NOX4: variants seen among roughly 807,000 people sequenced by gnomAD.
NOX4 encodes the protein kidney oxidase-1.
In NOX4, 69 loss-of-function variants were observed where a neutral mutation model predicts 87.6. The observed-to-expected ratio is 0.79, with a 90% CI of 0.65 to 0.96. NOX4 has a LOEUF of 0.96. Among genes scored for constraint, NOX4 ranks in the 40% least tolerant of loss-of-function variants. The pLI is 0.00. For missense variants in NOX4, 680 were observed against 681.5 expected (o/e 1.00, Z 0.02); for synonymous variants, 275 against 238.2 (o/e 1.15, Z -1.42).
chr11:89,588,573 T>C, the NOX4 span, among the ~76,000 whole-genome samples: 1 of 152,182 alleles, frequency 6.6e-6, no homozygotes, highest in South Asian at 2.1e-4. Context: ...GACAGGTCAA[T>C]GTGGGGTGAA....
At chr11:89,512,914 T>C in the NOX4 span, among the ~76,000 whole-genome samples, 6 of 152,058 alleles carry the variant, frequency 3.9e-5, no homozygotes, top group Admixed American at 3.9e-4. Context: ...ACTGTATGAG[T>C]AGCATCTAGC....
rs529303060 is a variant in NOX4, at chr11:89,398,431, G to A, written c.1074+1586C>T. On this transcript the variant is annotated intron_variant, in intron 11 of 17. Transcript: ENST00000263317. ...CAAGACAGTGATGCCCTCTCTCACC[G>A]CTCCTATTCACCATAGTGTTGGAAG... Among the ~76,000 whole-genome samples, 112 of 151,884 alleles carry A rather than the reference G, an allele frequency of 7.4e-4. 1 individual carries two copies. Among genetic ancestry groups the A allele is most frequent in the African/African-American group, 2.6e-3 (108 of 41,490 alleles).
At chr11:89,472,062 A>G (rs1945967714) in intron 2 of NOX4, among the ~76,000 whole-genome samples, 1 of 152,146 alleles carries the variant, frequency 6.6e-6, no homozygotes, top group Non-Finnish European at 1.5e-5. Context: ...AACTGTTTTG[A>G]TAAGGTTATT....
intron 2 of NOX4, among the ~76,000 whole-genome samples, chr11:89,483,862 A>G (rs1339409622): frequency 6.6e-6 from 1 of 152,178 alleles, no homozygotes; most frequent in Non-Finnish European, 1.5e-5. Flanking sequence ...GGTACACAAT[A>G]AATACAATTG....
chr11:89,349,334 G>C (rs74238696), intron 13 of NOX4, among the ~76,000 whole-genome samples: 1 of 150,640 alleles, frequency 6.6e-6, no homozygotes, highest in Non-Finnish European at 1.5e-5. Flanking sequence ...AAATAACTTG[G>C]CTCAGGATCA....
At chr11:89,344,756 A>G (rs1946143499) in intron 13 of NOX4, among the ~76,000 whole-genome samples, 1 of 152,180 alleles carries the variant, frequency 6.6e-6, no homozygotes, top group Non-Finnish European at 1.5e-5. Context: ...TAAAACTCAG[A>G]AAGGTTAAAT....
upstream of NOX4, among the ~76,000 whole-genome samples, chr11:89,499,593 A>T (rs1244173243): frequency 6.6e-6 from 1 of 152,128 alleles, no homozygotes; most frequent in Admixed American, 6.6e-5. Flanking sequence ...ACTCTCCAAA[A>T]ATTTAAGGCT....
intron 7 of NOX4, among the ~76,000 whole-genome samples, chr11:89,430,933 C>T (rs562169668): frequency 5.3e-5 from 8 of 152,282 alleles, no homozygotes; most frequent in African/African-American, 1.9e-4. Context: ...CTGGAGGCAT[C>T]ACGCTACCTG....
chr11:89,440,510 A>G (rs1221038985), intron 6 of NOX4, among the ~76,000 whole-genome samples, 178 bp downstream of exon 6: 3 of 151,798 alleles, frequency 2.0e-5, no homozygotes, highest in African/African-American at 4.8e-5. Context: ...TTTTTAGTAG[A>G]GATGGGGTTT....
At chr11:89,350,639 G>GA (rs1316333077) in intron 13 of NOX4, among the ~76,000 whole-genome samples, 1 of 152,090 alleles carries the variant, frequency 6.6e-6, no homozygotes, top group Non-Finnish European at 1.5e-5. Flanking sequence ...ATTTCAATCA[G>GA]AAAAATGAGG....
intron 2 of NOX4, among the ~76,000 whole-genome samples, chr11:89,462,780 G>A (rs111473954): frequency 0.016 from 2,420 of 151,964 alleles, 66 homozygotes; most frequent in African/African-American, 0.055. Context: ...GGACATTAGC[G>A]TAGGTATGGA....
the NOX4 span, among the ~76,000 whole-genome samples, chr11:89,539,235 G>A: frequency 1.1e-4 from 16 of 151,964 alleles, no homozygotes; most frequent in Non-Finnish European, 2.1e-4. Context: ...AGATCGAGAC[G>A]ATCCTGGCTA....
chr11:89,512,687 G>A, the NOX4 span, among the ~76,000 whole-genome samples: 1 of 152,014 alleles, frequency 6.6e-6, no homozygotes, highest in Non-Finnish European at 1.5e-5. Flanking sequence ...CATTTAGGTT[G>A]TTTCCATATC....
the NOX4 span, among the ~76,000 whole-genome samples, chr11:89,544,365 A>G: frequency 1.3e-5 from 2 of 152,114 alleles, no homozygotes; most frequent in East Asian, 1.9e-4. Context: ...AGGTACCACC[A>G]CTTTTATTTA....
intron 2 of NOX4, among the ~76,000 whole-genome samples, chr11:89,487,105 A>C (rs1470095706): frequency 6.6e-6 from 1 of 152,166 alleles, no homozygotes; most frequent in Admixed American, 6.5e-5. Flanking sequence ...GGACCAGTGA[A>C]GTCGTTTAGA....
intron 8 of NOX4, among the ~76,000 whole-genome samples, chr11:89,403,731 G>A (rs763221345): frequency 2.0e-5 from 3 of 152,028 alleles, no homozygotes; most frequent in South Asian, 2.1e-4. Context: ...CAATAAGAGC[G>A]AAACTCCGTC....
chr11:89,576,813 G>T, the NOX4 span: 1 of 151,738 alleles, frequency 6.6e-6, no homozygotes, highest in African/African-American at 2.4e-5. Context: ...CTGAACATTT[G>T]GTTATGTAAT....
At chr11:89,358,386 C>CA (rs10558391) in intron 12 of NOX4, among the ~76,000 whole-genome samples, 34 of 78,152 alleles carry the variant, frequency 4.4e-4, no homozygotes, top group South Asian at 9.8e-4. Flanking sequence ...AACTTAATCT[C>CA]AAAAAAAAAA....
chr11:89,332,475 A>T (rs1484181316), intron 17 of NOX4, among the ~76,000 whole-genome samples: 1 of 151,908 alleles, frequency 6.6e-6, no homozygotes, highest in Non-Finnish European at 1.5e-5. Context: ...TGGGTTAGAT[A>T]TAATAAATAA....
Sources: gnomAD v4.1 joint callset for allele counts (sites outside exome capture counted in the v4.1 genomes callset) on GRCh38, gnomAD v4.1.1 for gene constraint, MANE v1.5 for transcripts, NCBI Gene and HGNC (gene_info 2026-07-23, HGNC 2026-07-21) for gene names.